The following BMAL1 variants were observed in gnomAD, a reference collection of about 807,000 sequenced individuals.
BMAL1 encodes basic helix-loop-helix ARNT-like protein 1.
the BMAL1 span, among the ~76,000 whole-genome samples, chr11:13,297,498 A>T: frequency 6.6e-6 from 1 of 152,246 alleles, no homozygotes; most frequent in Non-Finnish European, 1.5e-5. Flanking sequence ...GTTAGGAGGC[A>T]GTTGCTCCGG....
the BMAL1 span, among the ~76,000 whole-genome samples, chr11:13,323,252 C>A: frequency 6.6e-6 from 1 of 152,096 alleles, no homozygotes; most frequent in Middle Eastern, 3.2e-3. Flanking sequence ...AGGTGGAGGA[C>A]CTAAGTGGCT....
chr11:13,314,993 G>A, the BMAL1 span, among the ~76,000 whole-genome samples: 1 of 152,192 alleles, frequency 6.6e-6, no homozygotes, highest in Non-Finnish European at 1.5e-5. Flanking sequence ...AGTGCCTTAA[G>A]CTTGTTGCTT....
the BMAL1 span, among the ~76,000 whole-genome samples, chr11:13,339,019 G>T: frequency 6.6e-6 from 1 of 152,220 alleles, no homozygotes; most frequent in South Asian, 2.1e-4. Flanking sequence ...CTCCCTGGAT[G>T]GGTGGATGGT....
chr11:13,309,737 A>C, the BMAL1 span, among the ~76,000 whole-genome samples: 1 of 152,286 alleles, frequency 6.6e-6, no homozygotes, highest in Non-Finnish European at 1.5e-5. Context: ...CTAAACAAGA[A>C]GTTATGCCAC....
the BMAL1 span, among the ~76,000 whole-genome samples, chr11:13,322,131 G>A: frequency 6.6e-6 from 1 of 152,146 alleles, no homozygotes; most frequent in Non-Finnish European, 1.5e-5. Context: ...CTGACTCCCT[G>A]ATGCTTGTTC....
chr11:13,368,024 C>A, the BMAL1 span, among the ~76,000 whole-genome samples: 1 of 152,246 alleles, frequency 6.6e-6, no homozygotes, highest in African/African-American at 2.4e-5. Context: ...TCATCTCTTT[C>A]ATTACAGCAC....
chr11:13,342,654 G>A, the BMAL1 span, among the ~76,000 whole-genome samples: 2 of 152,052 alleles, frequency 1.3e-5, no homozygotes, highest in Non-Finnish European at 2.9e-5. Flanking sequence ...TTTTTCCCCC[G>A]AATAACATCA....
At chr11:13,332,398 T>C in the BMAL1 span, among the ~76,000 whole-genome samples, 1 of 152,216 alleles carries the variant, frequency 6.6e-6, no homozygotes, top group Non-Finnish European at 1.5e-5. Context: ...GCCACTTACC[T>C]GCTTTCGAGT....
At chr11:13,320,156 G>A in the BMAL1 span, among the ~76,000 whole-genome samples, 1 of 152,190 alleles carries the variant, frequency 6.6e-6, no homozygotes, top group Non-Finnish European at 1.5e-5. Flanking sequence ...GTGAACTCTT[G>A]GTCCAGGCTG....
the BMAL1 span, among the ~76,000 whole-genome samples, chr11:13,290,160 C>A: frequency 6.6e-6 from 1 of 152,096 alleles, no homozygotes; most frequent in South Asian, 2.1e-4. Context: ...TTTCATGTGT[C>A]TGTTGGCTGC....
the BMAL1 span, among the ~76,000 whole-genome samples, chr11:13,284,645 C>T: frequency 3.3e-5 from 5 of 151,678 alleles, no homozygotes; most frequent in Non-Finnish European, 7.4e-5. Context: ...GGGATGCCTT[C>T]GCATCTTGCT....
At chr11:13,333,171 T>G in the BMAL1 span, among the ~76,000 whole-genome samples, 1 of 152,162 alleles carries the variant, frequency 6.6e-6, no homozygotes, top group Non-Finnish European at 1.5e-5. Flanking sequence ...TTTGCCATGT[T>G]GGCCAGGCTG....
chr11:13,378,687 T>C, the BMAL1 span: 291 of 484,612 alleles, frequency 6.0e-4, no homozygotes, highest in Non-Finnish European at 9.5e-4. Context: ...AAAATGTTAG[T>C]AGTGCCTAGA....
the BMAL1 span, among the ~76,000 whole-genome samples, chr11:13,284,182 A>G: frequency 0.02 from 1,087 of 55,072 alleles, 116 homozygotes; most frequent in African/African-American, 0.056. Flanking sequence ...ATATATGTGT[A>G]TATATATATA....
chr11:13,360,625 G>A, the BMAL1 span, among the ~76,000 whole-genome samples: 14 of 151,660 alleles, frequency 9.2e-5, no homozygotes, highest in African/African-American at 2.4e-4. Flanking sequence ...TTTTAACCTC[G>A]TCTAGACAAA....
the BMAL1 span, among the ~76,000 whole-genome samples, chr11:13,382,418 G>A: frequency 9.2e-5 from 14 of 152,234 alleles, no homozygotes; most frequent in African/African-American, 1.4e-4. Flanking sequence ...ATCTTTGCAC[G>A]AGGTCCTACT....
the BMAL1 span, chr11:13,355,347 G>A: frequency 6.4e-7 from 1 of 1,566,322 alleles, no homozygotes; most frequent in South Asian, 1.1e-5. Context: ...GCTGGAGAGT[G>A]GGTATGAGGG....
the BMAL1 span, among the ~76,000 whole-genome samples, chr11:13,370,648 C>T: frequency 6.6e-6 from 1 of 152,166 alleles, no homozygotes; most frequent in Non-Finnish European, 1.5e-5. Context: ...TCCATGCTGC[C>T]TACTTTCACT....
the BMAL1 span, chr11:13,380,287 A>G: frequency 6.6e-6 from 1 of 152,198 alleles, no homozygotes; most frequent in Admixed American, 6.5e-5. Context: ...TTCACTCATA[A>G]ATCTAGAGAA....
Sources: gnomAD v4.1 joint callset for allele counts (sites outside exome capture counted in the v4.1 genomes callset) on GRCh38, gnomAD v4.1.1 for gene constraint, MANE v1.5 for transcripts, NCBI Gene and HGNC (gene_info 2026-07-23, HGNC 2026-07-21) for gene names.